The following NTRK3 variants were observed in gnomAD, a reference collection of about 807,000 sequenced individuals.
The protein encoded by NTRK3 is NT-3 growth factor receptor.
Under a neutral mutation model 91.7 loss-of-function variants are expected in NTRK3, and 24 were observed. The ratio of observed to expected loss-of-function variants is 0.26; its 90% CI spans 0.19 to 0.37. The LOEUF is 0.37. Ranked by LOEUF, NTRK3 falls within the 10% of genes least tolerant of loss-of-function variation. The pLI is 1.00. For missense variants in NTRK3, 880 were observed against 1,068.9 expected, an observed-to-expected ratio of 0.82 and a Z score of 2.46; for synonymous variants, 483 against 404.0, an observed-to-expected ratio of 1.20 and a Z score of -2.34.
chr15:88,099,099 G>A (rs2049921593), intron 13 of NTRK3: 4 of 225,336 alleles, frequency 1.8e-5, no homozygotes, highest in Non-Finnish European at 3.4e-5. Context: ...GTAGTGGGTG[G>A]TGTGTAAGCC....
intron 13 of NTRK3, among the ~76,000 whole-genome samples, chr15:88,035,584 G>T (rs1205127155): frequency 6.6e-6 from 1 of 152,204 alleles, no homozygotes; most frequent in Non-Finnish European, 1.5e-5. Context: ...CCTGCCAGTT[G>T]GCAAGCCCTA....
chr15:87,942,681 A>G (rs535889505), intron 14 of NTRK3, among the ~76,000 whole-genome samples: 55 of 152,300 alleles, frequency 3.6e-4, no homozygotes, highest in African/African-American at 1.3e-3. Flanking sequence ...GGATCCTCCA[A>G]GAGCTTATGC....
intron 3 of NTRK3, among the ~76,000 whole-genome samples, chr15:88,195,066 C>T (rs892371518): frequency 6.6e-6 from 1 of 152,216 alleles, no homozygotes; most frequent in Non-Finnish European, 1.5e-5. Context: ...TGTCTGAAGA[C>T]ATCAGTTTTG....
intron 14 of NTRK3, among the ~76,000 whole-genome samples, chr15:88,009,598 T>A (rs956677711): frequency 6.6e-6 from 1 of 152,208 alleles, no homozygotes; most frequent in African/African-American, 2.4e-5. Flanking sequence ...ACGCTCTGCA[T>A]AGGCCACAGG....
At chr15:88,077,644 C>A (rs911743749) in intron 13 of NTRK3, among the ~76,000 whole-genome samples, 2 of 152,104 alleles carry the variant, frequency 1.3e-5, no homozygotes, top group East Asian at 3.9e-4. Flanking sequence ...TCCTAGCCTG[C>A]TGAACACAGT....
intron 17 of NTRK3, among the ~76,000 whole-genome samples, chr15:87,918,355 C>T (rs966902615): frequency 6.6e-6 from 1 of 152,228 alleles, no homozygotes; most frequent in South Asian, 2.1e-4. Flanking sequence ...CAAAAGCTGC[C>T]ATGGTGGTCT....
chr15:88,122,309 G>C (rs535053277), intron 13 of NTRK3, among the ~76,000 whole-genome samples: 2 of 152,304 alleles, frequency 1.3e-5, no homozygotes, highest in East Asian at 3.9e-4. Flanking sequence ...TCATGTAGTA[G>C]AGGTGGTTGC....
chr15:88,111,350 A>G (rs1362255161), intron 13 of NTRK3, among the ~76,000 whole-genome samples: 2 of 152,240 alleles, frequency 1.3e-5, no homozygotes, highest in Non-Finnish European at 2.9e-5. Flanking sequence ...GAAAGACAGC[A>G]GAAAGGGGTG....
chr15:88,042,098 A>G (rs1311356214), intron 13 of NTRK3, among the ~76,000 whole-genome samples: 2 of 152,134 alleles, frequency 1.3e-5, no homozygotes, highest in Admixed American at 6.5e-5. Context: ...ACCTTTTCCT[A>G]CTGATAGAAA....
intron 14 of NTRK3, among the ~76,000 whole-genome samples, chr15:87,957,895 A>G (rs1406135277): frequency 1.3e-5 from 2 of 152,228 alleles, no homozygotes; most frequent in African/African-American, 4.8e-5. Context: ...GGAAAGAACT[A>G]AATTGCTCTG....
At chr15:88,236,291 G>A (rs2051723083) in intron 3 of NTRK3, among the ~76,000 whole-genome samples, 1 of 152,124 alleles carries the variant, frequency 6.6e-6, no homozygotes, top group African/African-American at 2.4e-5. Context: ...CAATGTGGAT[G>A]AATCTCACAA....
intron 13 of NTRK3, among the ~76,000 whole-genome samples, chr15:88,079,377 C>T (rs184256812): frequency 2.6e-5 from 4 of 152,292 alleles, no homozygotes; most frequent in African/African-American, 7.2e-5. Flanking sequence ...GCCAAGAAAG[C>T]GGACGGATAT....
At chr15:87,898,996 C>T (rs1041394440) in intron 17 of NTRK3, among the ~76,000 whole-genome samples, 1 of 152,068 alleles carries the variant, frequency 6.6e-6, no homozygotes, top group Non-Finnish European at 1.5e-5. Flanking sequence ...GCGAACAATA[C>T]TACTAACACC....
intron 3 of NTRK3, among the ~76,000 whole-genome samples, chr15:88,238,631 C>T (rs573969811): frequency 5.3e-5 from 8 of 152,266 alleles, no homozygotes; most frequent in Non-Finnish European, 8.8e-5. Context: ...TGATGTTTAA[C>T]GTGTATATAT....
chr15:87,934,025 G>C (rs3784437), intron 15 of NTRK3, among the ~76,000 whole-genome samples: 3,302 of 152,306 alleles, frequency 0.022, 84 homozygotes, highest in African/African-American at 0.055. Flanking sequence ...CCCAGGTAGA[G>C]TGTAAGTTGT....
chr15:88,114,171 G>C (rs913241538), intron 13 of NTRK3, among the ~76,000 whole-genome samples: 3 of 152,168 alleles, frequency 2.0e-5, no homozygotes, highest in Non-Finnish European at 4.4e-5. Context: ...TCCTGGGTGG[G>C]GGAATGAGTC....
intron 13 of NTRK3, among the ~76,000 whole-genome samples, chr15:88,122,573 C>CAAA (rs1347855823): frequency 6.6e-6 from 1 of 152,090 alleles, no homozygotes; most frequent in Non-Finnish European, 1.5e-5. Context: ...AAATATAAGA[C>CAAA]AAAACAGTAA....
chr15:88,172,326 A>T (rs1182394228), intron 5 of NTRK3, among the ~76,000 whole-genome samples: 1 of 152,250 alleles, frequency 6.6e-6, no homozygotes, highest in Non-Finnish European at 1.5e-5. Flanking sequence ...CATTTTCTAA[A>T]TCTGTCTTTA....
At chr15:88,091,310 T>A (rs2048994133) in intron 13 of NTRK3, among the ~76,000 whole-genome samples, 1 of 152,210 alleles carries the variant, frequency 6.6e-6, no homozygotes, top group South Asian at 2.1e-4. Flanking sequence ...CAAATGTATG[T>A]CATGTCAAAG....
Sources: allele counts gnomAD v4.1 joint callset (sites outside exome capture counted in the v4.1 genomes callset), GRCh38; gene constraint gnomAD v4.1.1; transcripts MANE v1.5; gene names NCBI Gene and HGNC (gene_info 2026-07-23, HGNC 2026-07-21).